The following GLIS1 variants were observed in gnomAD, a reference collection of about 807,000 sequenced individuals.
GLIS1 encodes GLIS family zinc finger 1.
In GLIS1, 24 loss-of-function variants were observed where a neutral mutation model predicts 63.8. That is an observed-to-expected ratio of 0.38 (90% CI 0.27 to 0.53). The LOEUF (loss-of-function observed/expected upper bound fraction) is 0.53, where lower values mean the gene tolerates loss of function less well. Among genes scored for constraint, GLIS1 ranks in the 20% least tolerant of loss-of-function variants. The pLI is 0.85. For missense variants in GLIS1, 1,036 were observed against 1,074.1 expected (o/e 0.96, Z 0.50); for synonymous variants, 450 against 482.5 (o/e 0.93, Z 0.88).
intron 2 of GLIS1, among the ~76,000 whole-genome samples, chr1:53,730,381 C>A (rs1281638613): frequency 6.6e-6 from 1 of 152,166 alleles, no homozygotes; most frequent in Non-Finnish European, 1.5e-5. Flanking sequence ...ATACCCAACC[C>A]TCTGAGAAGT....
At chr1:53,629,895 T>A (rs889026573) in intron 2 of GLIS1, among the ~76,000 whole-genome samples, 10 of 152,200 alleles carry the variant, frequency 6.6e-5, no homozygotes, top group African/African-American at 2.4e-4. Flanking sequence ...AATATGGAAA[T>A]GCCTTGGATT....
At chr1:53,665,328 G>C (rs920165164) in intron 2 of GLIS1, among the ~76,000 whole-genome samples, 1 of 152,144 alleles carries the variant, frequency 6.6e-6, no homozygotes, top group Admixed American at 6.5e-5. Context: ...ATATGTTGGG[G>C]ATGCCAGGGG....
chr1:53,668,434 T>C (rs1646117793), intron 2 of GLIS1, among the ~76,000 whole-genome samples: 1 of 152,204 alleles, frequency 6.6e-6, no homozygotes, highest in Non-Finnish European at 1.5e-5. Context: ...TGATCTCAGC[T>C]CACTGCAACT....
At chr1:53,514,517 T>G in intron 8 of GLIS1, 108 bp downstream of exon 8, 1 of 1,148,782 alleles carries the variant, frequency 8.7e-7, no homozygotes, top group South Asian at 1.5e-5. Flanking sequence ...TTGGCTATTT[T>G]CATTATCAGT....
At chr1:53,643,559 A>C (rs1645810561) in intron 2 of GLIS1, among the ~76,000 whole-genome samples, 1 of 152,136 alleles carries the variant, frequency 6.6e-6, no homozygotes, top group South Asian at 2.1e-4. Flanking sequence ...AAGGAGGCAG[A>C]CTCAGTGCTA....
intron 2 of GLIS1, among the ~76,000 whole-genome samples, chr1:53,718,853 C>G (rs1646724940): frequency 6.6e-6 from 1 of 152,188 alleles, no homozygotes; most frequent in East Asian, 1.9e-4. Context: ...AATCTCAAGT[C>G]TGACTTTTCT....
At chr1:53,608,426 C>T (rs779425464) in intron 2 of GLIS1, among the ~76,000 whole-genome samples, 7 of 152,192 alleles carry the variant, frequency 4.6e-5, no homozygotes, top group Non-Finnish European at 1.0e-4. Context: ...AATATTCATT[C>T]TGTAACACCT....
At chr1:53,661,759 C>T (rs993651758) in intron 2 of GLIS1, among the ~76,000 whole-genome samples, 2 of 152,182 alleles carry the variant, frequency 1.3e-5, no homozygotes, top group South Asian at 2.1e-4. Flanking sequence ...ATGTGCCTAC[C>T]GCACGGCAAG....
intron 10 of GLIS1, among the ~76,000 whole-genome samples, chr1:53,508,687 G>A (rs1025215320): frequency 1.3e-5 from 2 of 152,172 alleles, no homozygotes; most frequent in African/African-American, 2.4e-5. Context: ...AGTGGGGAAG[G>A]AACAGCATGA....
At chr1:53,525,453 AG>A (rs1644456275) in intron 5 of GLIS1, among the ~76,000 whole-genome samples, 1 of 230 alleles carries the variant, frequency 4.3e-3, no homozygotes. Flanking sequence ...CTGAGAACAC[AG>A]GGCTGGGGAG....
intron 4 of GLIS1, among the ~76,000 whole-genome samples, chr1:53,563,976 AAG>A (rs1439416833): frequency 6.6e-6 from 1 of 152,234 alleles, no homozygotes; most frequent in Non-Finnish European, 1.5e-5. Context: ...GGACGAAAGA[AAG>A]AGCACCTTAC....
intron 10 of GLIS1, among the ~76,000 whole-genome samples, chr1:53,508,635 C>G (rs559295289): frequency 6.6e-6 from 1 of 152,182 alleles, no homozygotes; most frequent in African/African-American, 2.4e-5. Flanking sequence ...TGGGGCAGAG[C>G]TGGGGAGGCC....
At chr1:53,724,768 G>A (rs1052616915) in intron 2 of GLIS1, among the ~76,000 whole-genome samples, 1 of 152,128 alleles carries the variant, frequency 6.6e-6, no homozygotes, top group Non-Finnish European at 1.5e-5. Context: ...AATCCTCCTG[G>A]CTTCAAGCAA....
intron 2 of GLIS1, among the ~76,000 whole-genome samples, chr1:53,654,780 G>A (rs370672260): frequency 8.5e-5 from 13 of 152,272 alleles, no homozygotes; most frequent in East Asian, 1.9e-4. Flanking sequence ...GCGTCGTGCC[G>A]CTACAGATGT....
At chr1:53,599,964 G>C (rs1313357920) in intron 3 of GLIS1, 137 bp downstream of exon 3, 10 of 430,994 alleles carry the variant, frequency 2.3e-5, no homozygotes, top group Non-Finnish European at 3.5e-5. Flanking sequence ...AGGCCAGGTA[G>C]CTGCTTCTGA....
At chr1:53,593,076 G>A (rs1278513156) in intron 4 of GLIS1, among the ~76,000 whole-genome samples, 1 of 152,254 alleles carries the variant, frequency 6.6e-6, no homozygotes, top group African/African-American at 2.4e-5. Flanking sequence ...CAATGACAGT[G>A]TTTGACACTT....
At chr1:53,649,445 T>C (rs1452322893) in intron 2 of GLIS1, among the ~76,000 whole-genome samples, 6 of 152,224 alleles carry the variant, frequency 3.9e-5, no homozygotes, top group Non-Finnish European at 8.8e-5. Context: ...ACCTCTCCAG[T>C]ATATTGCGCA....
At position 53,731,743 on chromosome 1, in the gene GLIS1, C is replaced by T. The variant is rs573280836; in HGVS notation, c.259+6063G>A. Among the ~76,000 whole-genome samples the T allele has an allele frequency of 3.9e-5, 6 of 152,300 alleles. No homozygotes were observed. The East Asian group carries it at 5.8e-4, about 15-fold the overall frequency. ...AGCATCTCACCTGGCACAGAACAGC[C>T]GCTCACTAAAGGTTAGTTGACCTCC... On this transcript the variant is annotated intron_variant, in intron 2 of 10. Coordinates refer to ENST00000628545, the MANE Select transcript of GLIS1 (RefSeq NM_001367484.1).
At chr1:53,615,520 A>G (rs535488887) in intron 2 of GLIS1, among the ~76,000 whole-genome samples, 4 of 152,260 alleles carry the variant, frequency 2.6e-5, no homozygotes, top group African/African-American at 9.6e-5. Context: ...GAAGGCACTG[A>G]GAGTATTTAA....
Sources: gnomAD v4.1 joint callset for allele counts (sites outside exome capture counted in the v4.1 genomes callset) on GRCh38, gnomAD v4.1.1 for gene constraint, MANE v1.5 for transcripts, NCBI Gene and HGNC (gene_info 2026-07-23, HGNC 2026-07-21) for gene names.